Variants in ELAPOR2 observed in about 807,000 individuals in gnomAD.
ELAPOR2 encodes endosome/lysosome-associated apoptosis and autophagy regulator family member 2.
A neutral mutation model predicts 120.7 loss-of-function variants in ELAPOR2; 89 were observed. The ratio of observed to expected loss-of-function variants is 0.74; its 90% CI spans 0.62 to 0.88. The LOEUF (loss-of-function observed/expected upper bound fraction) is 0.88. Ranked by LOEUF, ELAPOR2 falls within the 40% of genes least tolerant of loss-of-function variation. The pLI, the probability that ELAPOR2 is intolerant of heterozygous loss-of-function variation, is 0.00. For synonymous variants in ELAPOR2, 444 were observed against 444.9 expected, an observed-to-expected ratio of 1.00 and a Z score of 0.03; for missense variants, 1,134 against 1,251.6, an observed-to-expected ratio of 0.91 and a Z score of 1.42.
chr7:86,949,833 C>T (rs911356291), intron 2 of ELAPOR2, among the ~76,000 whole-genome samples: 2 of 152,222 alleles, frequency 1.3e-5, no homozygotes, highest in African/African-American at 2.4e-5. Context: ...CACTGGCCTG[C>T]AGGCACTCCT....
At position 86,893,212 on chromosome 7, in the gene ELAPOR2, T is replaced by C. The variant is rs533151722; in HGVS notation, c.2686-112A>G. ...TTTCTTACATAAAAGAAGAAAGGGT[T>C]TTGCTAACCCTTTACTTACAGTAGG... On this transcript the variant is annotated intron_variant, in intron 19 of 21. Transcript: ENST00000450689. The C allele has an allele frequency of 3.6e-5, 30 of 823,558 alleles. No homozygotes were observed. The African/African-American group carries it at 5.4e-4, about 15-fold the overall frequency. 51.0% of individuals were successfully genotyped at this position (823,558 alleles called of 1,614,324 possible).
rs1791849250 is a variant in ELAPOR2, at chr7:86,964,934, G to A, written c.280C>T (p.Leu94=). 2 of 1,551,564 alleles carry A rather than the reference G, an allele frequency of 1.3e-6. No individual in the cohort carries two copies. The highest frequency in any genetic ancestry group is 4.9e-5 in the East Asian group (2 of 40,926). Residue 94 remains leucine (L), a synonymous_variant, in exon 2 of 22, where the codon CTG becomes TTG. Coordinates refer to ENST00000450689, the MANE Select transcript of ELAPOR2 (RefSeq NM_001142749.3). ...IPNSAVDCSG[L]PDPVRGKECT... ...TCTTTGCCTCTCACTGGGTCAGGCA[G>A]GCCAGAGCAGTCCACTGCAGAATTT...
At chr7:87,052,767 G>GTTTGTTTTCT (rs1443758191) in intron 1 of ELAPOR2, among the ~76,000 whole-genome samples, 2 of 102,792 alleles carry the variant, frequency 1.9e-5, no homozygotes, top group East Asian at 3.1e-4. Flanking sequence ...TGATCACAGG[G>GTTTGTTTTCT]TTTGTTTTCT....
chr7:86,940,154 C>G, intron 5 of ELAPOR2, 39 bp from the exon 6 acceptor site: 1 of 1,313,858 alleles, frequency 7.6e-7, no homozygotes, highest in Non-Finnish European at 1.1e-6. Context: ...GGCAGATAAG[C>G]CATGCCATTT....
chr7:86,910,906 G>A (rs567471867), intron 15 of ELAPOR2, among the ~76,000 whole-genome samples: 213 of 152,044 alleles, frequency 1.4e-3, no homozygotes, highest in Non-Finnish European at 2.2e-3. Flanking sequence ...TCTGACAATA[G>A]GCCTTCTCAC....
chr7:86,926,790 C>T lies in ELAPOR2; in HGVS notation c.1216G>A (p.Gly406Arg). 6.2e-7 allele frequency: 1 copy of T among 1,611,650 alleles called. No individual in the cohort carries two copies. The highest frequency in any genetic ancestry group is 8.5e-7 in the Non-Finnish European group (1 of 1,178,694). Residue 406 changes from glycine (G) to arginine (R), a missense_variant, in exon 9 of 22, where the codon GGA (glycine) becomes AGA (arginine). Around this residue, in one of 3 missense-constraint regions of ELAPOR2, gnomAD observed 831 missense variants for 867.6 expected, o/e 0.96. Transcript: ENST00000450689. ...PPCNPGFYNN[G>R]SSSCHPCPPG... ...GGACAGGGATGGCAAGAAGATGATC[C>T]ATTGTTATAAAATCCAGGGTTGCAA...
At chr7:86,975,239 T>A (rs1792245647) in intron 1 of ELAPOR2, among the ~76,000 whole-genome samples, 1 of 152,200 alleles carries the variant, frequency 6.6e-6, no homozygotes, top group Non-Finnish European at 1.5e-5. Context: ...TAAAAGCTGA[T>A]TCTTGCCAAT....
chr7:86,995,629 T>C (rs77335413), intron 1 of ELAPOR2, among the ~76,000 whole-genome samples: 2 of 152,252 alleles, frequency 1.3e-5, no homozygotes, highest in East Asian at 3.9e-4. Flanking sequence ...CTCTTTCAAG[T>C]GTTATAATAA....
At chr7:86,920,468 TA>T (rs1789777933) in intron 10 of ELAPOR2, among the ~76,000 whole-genome samples, 1 of 152,042 alleles carries the variant, frequency 6.6e-6, no homozygotes, top group African/African-American at 2.4e-5. Context: ...AGCAATTCTA[TA>T]CCAAGAAAGG....
chr7:86,946,530 G>T (rs1285613204), intron 3 of ELAPOR2, among the ~76,000 whole-genome samples: 2 of 152,086 alleles, frequency 1.3e-5, no homozygotes, highest in Non-Finnish European at 2.9e-5. Context: ...GGGATTACGG[G>T]CACCTGCCAC....
intron 10 of ELAPOR2, chr7:86,919,652 A>C (rs1375178858): frequency 6.0e-6 from 1 of 167,564 alleles, no homozygotes; most frequent in Non-Finnish European, 1.3e-5. Context: ...CCAATGTGCA[A>C]TAGAAACTTC....
chr7:87,018,030 TTTTG>T (rs1337576311), intron 1 of ELAPOR2, among the ~76,000 whole-genome samples: 9 of 151,970 alleles, frequency 5.9e-5, no homozygotes, highest in Admixed American at 5.2e-4. Flanking sequence ...AAGTCACTTC[TTTTG>T]TTTTTGTTTT....
intron 8 of ELAPOR2, among the ~76,000 whole-genome samples, chr7:86,929,263 T>C (rs947277447): frequency 2.0e-5 from 3 of 151,980 alleles, no homozygotes; most frequent in Non-Finnish European, 4.4e-5. Flanking sequence ...TCCATGGTTG[T>C]CTGATTTATT....
At chr7:86,893,577 C>T (rs1001920701) in intron 19 of ELAPOR2, among the ~76,000 whole-genome samples, 6 of 151,860 alleles carry the variant, frequency 4.0e-5, no homozygotes, top group Admixed American at 6.6e-5. Context: ...GCCTGTCCTC[C>T]GAATGGAAGA....
At chr7:86,899,277 T>C (rs750423784) in intron 18 of ELAPOR2, among the ~76,000 whole-genome samples, 1 of 152,136 alleles carries the variant, frequency 6.6e-6, no homozygotes, top group Non-Finnish European at 1.5e-5. Flanking sequence ...GGAAGCTATT[T>C]GGACAGATTT....
At chr7:86,990,563 A>T (rs1365021314) in intron 1 of ELAPOR2, among the ~76,000 whole-genome samples, 2 of 152,154 alleles carry the variant, frequency 1.3e-5, no homozygotes, top group African/African-American at 4.8e-5. Context: ...AGCAACAGAA[A>T]ATGAACTAAA....
chr7:86,957,474 T>C (rs1791523443), intron 2 of ELAPOR2, among the ~76,000 whole-genome samples: 1 of 152,246 alleles, frequency 6.6e-6, no homozygotes. Flanking sequence ...CATGAGAGTT[T>C]ACTCTCCTCT....
intron 1 of ELAPOR2, among the ~76,000 whole-genome samples, chr7:87,042,810 A>G (rs1416809589): frequency 6.6e-6 from 1 of 152,208 alleles, no homozygotes; most frequent in Non-Finnish European, 1.5e-5. Flanking sequence ...CAAAAAATTA[A>G]TGAATCCAGG....
chr7:87,055,659 C>A (rs1038810948), intron 1 of ELAPOR2, among the ~76,000 whole-genome samples: 7 of 152,124 alleles, frequency 4.6e-5, no homozygotes, highest in African/African-American at 1.7e-4. Flanking sequence ...CTCCATAGGG[C>A]CTTTTCTGAT....
Sources: gnomAD v4.1 joint callset for allele counts (sites outside exome capture counted in the v4.1 genomes callset) on GRCh38, gnomAD v4.1.1 for gene constraint, gnomAD v4.1.1 regional missense constraint, MANE v1.5 for transcripts, NCBI Gene and HGNC (gene_info 2026-07-23, HGNC 2026-07-21) for gene names.